FARS2: variants seen among roughly 807,000 people sequenced by gnomAD.
FARS2 encodes the protein phenylalanine--tRNA ligase, mitochondrial.
Under a neutral mutation model 46.4 loss-of-function variants are expected in FARS2, and 40 were observed. That is an observed-to-expected ratio of 0.86 (90% CI 0.67 to 1.12). The LOEUF (loss-of-function observed/expected upper bound fraction) is 1.12, where lower values mean the gene tolerates loss of function less well. FARS2 is among the 50% of genes most tolerant of loss of function. The probability of loss-of-function intolerance (pLI) is 0.00; values close to 1 mark genes in which losing one functional copy is unlikely to be tolerated. For missense variants in FARS2, 513 were observed against 567.9 expected (o/e 0.90, Z 0.98); for synonymous variants, 234 against 214.9 (o/e 1.09, Z -0.78).
chr6:5,704,391 TG>T (rs925382428), intron 6 of FARS2, among the ~76,000 whole-genome samples: 3 of 152,152 alleles, frequency 2.0e-5, no homozygotes, highest in African/African-American at 7.2e-5. Flanking sequence ...ACCATCATCT[TG>T]GGGGTTAGGA....
chr6:5,433,365 A>T (rs1763339913), intron 4 of FARS2, among the ~76,000 whole-genome samples: 1 of 152,122 alleles, frequency 6.6e-6, no homozygotes, highest in Non-Finnish European at 1.5e-5. Context: ...TGTACTTAAA[A>T]TTTTTCTAAT....
intron 6 of FARS2, among the ~76,000 whole-genome samples, chr6:5,628,859 C>G (rs541414259): frequency 4.3e-4 from 66 of 152,332 alleles, no homozygotes; most frequent in Middle Eastern, 3.4e-3. Context: ...TTGATGTGCA[C>G]TGCCATCACC....
intron 6 of FARS2, among the ~76,000 whole-genome samples, chr6:5,743,921 C>A (rs1295367709): frequency 1.3e-5 from 2 of 152,248 alleles, no homozygotes; most frequent in African/African-American, 4.8e-5. Flanking sequence ...GTGTGTGTCA[C>A]ACTCACCGTG....
chr6:5,282,866 C>T (rs1022620850), intron 1 of FARS2, among the ~76,000 whole-genome samples: 2 of 152,178 alleles, frequency 1.3e-5, no homozygotes, highest in Admixed American at 1.3e-4. Flanking sequence ...GAGATATTGT[C>T]CAGACAGAGG....
intron 5 of FARS2, among the ~76,000 whole-genome samples, chr6:5,568,321 T>C (rs764217767): frequency 2.0e-5 from 3 of 152,314 alleles, no homozygotes; most frequent in Non-Finnish European, 4.4e-5. Context: ...TTTTTGTTGA[T>C]GTATGTGACA....
intron 5 of FARS2, among the ~76,000 whole-genome samples, chr6:5,562,136 G>T (rs1050663724): frequency 4.0e-5 from 6 of 151,754 alleles, no homozygotes; most frequent in Non-Finnish European, 4.4e-5. Context: ...GATTTAATTG[G>T]TTGTGTTTCT....
intron 1 of FARS2, among the ~76,000 whole-genome samples, chr6:5,330,893 C>T (rs545769033): frequency 2.6e-5 from 4 of 152,014 alleles, no homozygotes; most frequent in Non-Finnish European, 5.9e-5. Flanking sequence ...ATTGCTTGAA[C>T]TCAGGAGTTC....
At chr6:5,624,209 C>T (rs1775919609) in intron 6 of FARS2, among the ~76,000 whole-genome samples, 1 of 152,190 alleles carries the variant, frequency 6.6e-6, no homozygotes, top group African/African-American at 2.4e-5. Context: ...TCCCCTTCTT[C>T]CTTTCTCTTT....
At chr6:5,757,960 T>C (rs1762293908) in intron 6 of FARS2, among the ~76,000 whole-genome samples, 1 of 152,248 alleles carries the variant, frequency 6.6e-6, no homozygotes, top group African/African-American at 2.4e-5. Context: ...GTTGTTTTCA[T>C]AGAGAAGTAC....
intron 6 of FARS2, among the ~76,000 whole-genome samples, chr6:5,769,628 G>A (rs1170005951): frequency 2.0e-5 from 3 of 152,198 alleles, no homozygotes; most frequent in African/African-American, 7.2e-5. Flanking sequence ...AAAAGAAAGA[G>A]CCAGGTGGGG....
intron 4 of FARS2, among the ~76,000 whole-genome samples, chr6:5,481,402 A>G (rs58168771): frequency 0.024 from 3,645 of 152,330 alleles, 155 homozygotes; most frequent in African/African-American, 0.083. Flanking sequence ...CATGGGGCAC[A>G]TTGCAAGCTG....
intron 6 of FARS2, among the ~76,000 whole-genome samples, chr6:5,767,925 A>G (rs1196726236): frequency 2.0e-5 from 3 of 152,204 alleles, no homozygotes; most frequent in East Asian, 1.9e-4. Context: ...TGCTGAGGGC[A>G]TCTTTCACTT....
intron 4 of FARS2, among the ~76,000 whole-genome samples, chr6:5,494,125 T>C (rs1304098383): frequency 6.5e-4 from 93 of 142,954 alleles, no homozygotes; most frequent in African/African-American, 1.7e-3. Context: ...CTTTTTTTTT[T>C]CTTTTTTTTT....
chr6:5,562,429 A>G (rs1772039575), intron 5 of FARS2, among the ~76,000 whole-genome samples: 1 of 152,182 alleles, frequency 6.6e-6, no homozygotes, highest in South Asian at 2.1e-4. Flanking sequence ...CCTATAAAGC[A>G]GTAGGTGATT....
At chr6:5,532,433 C>A (rs928146348) in intron 4 of FARS2, among the ~76,000 whole-genome samples, 8 of 152,152 alleles carry the variant, frequency 5.3e-5, no homozygotes, top group Admixed American at 2.0e-4. Flanking sequence ...AGGTGAAGTT[C>A]TTTGTCATTG....
At chr6:5,413,926 G>A (rs1762077495) in intron 3 of FARS2, among the ~76,000 whole-genome samples, 3 of 152,094 alleles carry the variant, frequency 2.0e-5, no homozygotes, top group Admixed American at 6.5e-5. Context: ...GACTGGCTGT[G>A]GATTTTGTGC....
At chr6:5,697,344 G>A (rs997264067) in intron 6 of FARS2, among the ~76,000 whole-genome samples, 3 of 152,202 alleles carry the variant, frequency 2.0e-5, no homozygotes, top group Admixed American at 6.5e-5. Flanking sequence ...ACGTATAAGA[G>A]AATCTGAGAA....
intron 5 of FARS2, among the ~76,000 whole-genome samples, chr6:5,578,681 C>T (rs758162643): frequency 8.6e-5 from 13 of 151,356 alleles, no homozygotes; most frequent in Non-Finnish European, 1.9e-4. Flanking sequence ...TGGTGGTGGG[C>T]GCCTATAGTC....
intron 1 of FARS2, among the ~76,000 whole-genome samples, chr6:5,303,413 G>C (rs1768463943): frequency 6.6e-6 from 1 of 152,086 alleles, no homozygotes; most frequent in African/African-American, 2.4e-5. Context: ...CTGCACGTGG[G>C]GCTAAATGGC....
Sources: allele counts gnomAD v4.1 joint callset (sites outside exome capture counted in the v4.1 genomes callset), GRCh38; gene constraint gnomAD v4.1.1; transcripts MANE v1.5; gene names NCBI Gene and HGNC (gene_info 2026-07-23, HGNC 2026-07-21).